Variants in KATNIP observed in about 807,000 individuals in gnomAD.
KATNIP encodes the protein katanin-interacting protein.
A neutral mutation model predicts 174.0 loss-of-function variants in KATNIP; 126 were observed. The ratio of observed to expected loss-of-function variants is 0.72; its 90% CI spans 0.63 to 0.84. The LOEUF is 0.84. Among genes scored for constraint, KATNIP ranks in the 40% least tolerant of loss-of-function variants. KATNIP has a pLI of 0.00. For synonymous variants in KATNIP, 810 were observed against 835.7 expected (o/e 0.97, Z 0.53); for missense variants, 1,958 against 2,109.7 (o/e 0.93, Z 1.41).
rs575637942 is a variant in KATNIP at position 27,637,955 on chromosome 16, G to A, written c.408+6793G>A. ...TCTCCACCAACCTTCCCCAGCCCCC[G>A]TCCTTGCACTTCTGTTCCCTGTCCC... On this transcript the variant is annotated intron_variant, in intron 5 of 27. Transcript: ENST00000261588. The surrounding 1 kb of genome is among the most constrained non-coding windows in gnomAD (Gnocchi z 4.7). Among the ~76,000 whole-genome samples, 2 of 152,170 alleles carry A rather than the reference G, an allele frequency of 1.3e-5. No homozygotes were observed. Among genetic ancestry groups the A allele is most frequent in the African/African-American group, 2.4e-5 (1 of 41,456 alleles).
At chr16:27,726,138 A>G (rs1310125800) in intron 14 of KATNIP, among the ~76,000 whole-genome samples, 1 of 151,950 alleles carries the variant, frequency 6.6e-6, no homozygotes, top group African/African-American at 2.4e-5. Context: ...AGGCATGGGA[A>G]CCCTACTGGG....
At chr16:27,595,979 AGAG>A (rs1257127957) in intron 2 of KATNIP, among the ~76,000 whole-genome samples, 1 of 152,056 alleles carries the variant, frequency 6.6e-6, no homozygotes, top group East Asian at 1.9e-4. Flanking sequence ...GGGTGGTGGG[AGAG>A]GAGGACAGAG....
chr16:27,736,266 G>A (rs1035443461), intron 14 of KATNIP, among the ~76,000 whole-genome samples: 2 of 152,200 alleles, frequency 1.3e-5, no homozygotes, highest in Non-Finnish European at 2.9e-5. Flanking sequence ...GCCTACCAAA[G>A]TGTTGGGATT....
intron 2 of KATNIP, among the ~76,000 whole-genome samples, chr16:27,598,661 C>A (rs185044944): frequency 1.3e-5 from 2 of 152,192 alleles, no homozygotes; most frequent in African/African-American, 4.8e-5. Context: ...AGTACATTTA[C>A]AAGTGCCTTT....
chr16:27,707,082 C>G (rs2079341439), intron 12 of KATNIP, among the ~76,000 whole-genome samples: 1 of 152,160 alleles, frequency 6.6e-6, no homozygotes, highest in Non-Finnish European at 1.5e-5. Context: ...TATCCGCGTT[C>G]CCACCGTGTG....
rs560160675 is a variant in KATNIP, at chr16:27,662,250, G to C, written c.540+13515G>C. 9.9e-5 allele frequency among the ~76,000 whole-genome samples: 15 copies of C among 151,258 alleles called. No homozygotes were observed. The Admixed American group carries it at 9.9e-4, about 10-fold the overall frequency. On this transcript the variant is annotated intron_variant, in intron 6 of 27. Transcript: ENST00000261588. ...TGCCCAGCCTAATTCACAATTTCCTGTGGACCAAACAAAATATACCTGCTG... is the reference window on the plus strand; with the variant it reads ...TGCCCAGCCTAATTCACAATTTCCTCTGGACCAAACAAAATATACCTGCTG...
chr16:27,573,540 A>T (rs905014994), intron 1 of KATNIP, among the ~76,000 whole-genome samples: 1 of 152,252 alleles, frequency 6.6e-6, no homozygotes, highest in Admixed American at 6.5e-5. Flanking sequence ...GTGTGCACAG[A>T]GGAAGGCATT....
chr16:27,762,286 T>G (rs2081981676), intron 19 of KATNIP, among the ~76,000 whole-genome samples: 1 of 152,180 alleles, frequency 6.6e-6, no homozygotes, highest in Non-Finnish European at 1.5e-5. Flanking sequence ...TTTCTTAACC[T>G]CTTCAATAAT....
At chr16:27,761,742 C>T (rs2081963426) in intron 19 of KATNIP, 152 bp downstream of exon 19, 5 of 705,854 alleles carry the variant, frequency 7.1e-6, no homozygotes, top group Non-Finnish European at 1.2e-5. Flanking sequence ...GAAACCGAGG[C>T]TCAGGAAACC....
intron 14 of KATNIP, among the ~76,000 whole-genome samples, chr16:27,731,093 C>T (rs2080661667): frequency 6.6e-6 from 1 of 152,136 alleles, no homozygotes; most frequent in African/African-American, 2.4e-5. Context: ...CCCTGGCTTG[C>T]TTCCTTTGCA....
At position 27,761,588 on chromosome 16, in the gene KATNIP, CAAGT is replaced by C. The variant is rs1194752382; in HGVS notation, c.3809+3_3809+6del. The C allele has an allele frequency of 6.2e-7, 1 of 1,612,134 alleles. No individual in the cohort carries two copies. The highest frequency in any genetic ancestry group is 1.1e-5 in the South Asian group (1 of 91,046). ...ACTCTGACGACTCCCGGGCCCTGGA[CAAGT>C]AAGTGTCTATCAGAAGCTTTACTTT... is the stretch of plus-strand genomic sequence containing the variant. On this transcript the variant is annotated splice_donor_variant and coding_sequence_variant, in exon 19 of 28. Transcript: ENST00000261588. LOFTEE classifies it high-confidence loss of function.
At chr16:27,621,100 AC>A (rs2076181130) in intron 3 of KATNIP, among the ~76,000 whole-genome samples, 2 of 151,730 alleles carry the variant, frequency 1.3e-5, no homozygotes, top group African/African-American at 4.8e-5. Context: ...GAAGTTCAAA[AC>A]CCCGTCTCTA....
At chr16:27,712,228 C>T (rs552461002) in intron 13 of KATNIP, among the ~76,000 whole-genome samples, 79 of 152,292 alleles carry the variant, frequency 5.2e-4, no homozygotes, top group Admixed American at 1.9e-3. Context: ...AGCTGTGTCA[C>T]CCTGGGCTGC....
At chr16:27,685,608 A>G (rs1394509007) in intron 8 of KATNIP, among the ~76,000 whole-genome samples, 1 of 152,222 alleles carries the variant, frequency 6.6e-6, no homozygotes, top group Non-Finnish European at 1.5e-5. Context: ...TATTCCTGGT[A>G]TTTAGTTCTT....
chr16:27,595,129 A>T (rs1455238391), intron 2 of KATNIP, among the ~76,000 whole-genome samples: 23 of 152,184 alleles, frequency 1.5e-4, no homozygotes, highest in Non-Finnish European at 1.0e-4. Flanking sequence ...TCACGCCTGT[A>T]ATCCTAGCAC....
intron 15 of KATNIP, among the ~76,000 whole-genome samples, chr16:27,748,135 T>G (rs372120098): frequency 1.5e-3 from 235 of 152,318 alleles, no homozygotes; most frequent in African/African-American, 4.8e-3. Flanking sequence ...CACTGCGTGG[T>G]GTGCACGCCG....
intron 1 of KATNIP, 30 bp downstream of exon 1, chr16:27,550,207 C>A (rs781213944): frequency 6.2e-7 from 1 of 1,605,396 alleles, no homozygotes; most frequent in East Asian, 2.2e-5. Flanking sequence ...TCCGGGAGGT[C>A]GGGCTGTTAT....
intron 8 of KATNIP, among the ~76,000 whole-genome samples, chr16:27,689,180 C>A (rs1238072552): frequency 1.3e-5 from 2 of 152,160 alleles, no homozygotes; most frequent in African/African-American, 4.8e-5. Flanking sequence ...TTTTGGGAGG[C>A]CAAGGCAGGT....
intron 14 of KATNIP, among the ~76,000 whole-genome samples, chr16:27,724,306 A>G (rs1043381281): frequency 6.6e-6 from 1 of 152,204 alleles, no homozygotes; most frequent in Non-Finnish European, 1.5e-5. Flanking sequence ...GGGCAATGGA[A>G]CAATGCCAGC....
Sources: gnomAD v4.1 joint callset for allele counts (sites outside exome capture counted in the v4.1 genomes callset) on GRCh38, gnomAD v4.1.1 for gene constraint, Gnocchi (gnomAD v3.1) non-coding constraint, MANE v1.5 for transcripts, NCBI Gene and HGNC (gene_info 2026-07-23, HGNC 2026-07-21) for gene names.